The following MYBL2 variants were observed in gnomAD, a reference collection of about 807,000 sequenced individuals.
MYBL2 encodes myb-related protein B.
In MYBL2, 28 loss-of-function variants were observed where a neutral mutation model predicts 79.9. The ratio of observed to expected loss-of-function variants is 0.35; its 90% CI spans 0.26 to 0.48. MYBL2 has a LOEUF of 0.48. MYBL2 is among the 20% of genes least tolerant of loss of function. The probability of loss-of-function intolerance (pLI) is 0.99; values close to 1 mark genes in which losing one functional copy is unlikely to be tolerated. For missense variants in MYBL2, 735 were observed against 893.9 expected (o/e 0.82, Z 2.27); for synonymous variants, 378 against 361.2 (o/e 1.05, Z -0.53).
In MYBL2 at chr20:43,701,752, G is replaced by A. The variant is rs1399239389; in HGVS notation, c.952-738G>A. ...AAAATATCTGCAGGCTGGGTACTGTGGTTCATGTCTGTAATCCCAGCACTT... is the reference window on the plus strand; with the variant it reads ...AAAATATCTGCAGGCTGGGTACTGTAGTTCATGTCTGTAATCCCAGCACTT... On this transcript the variant is annotated intron_variant, in intron 7 of 13. Transcript: ENST00000217026. Among the ~76,000 whole-genome samples the A allele has an allele frequency of 9.8e-5, 15 of 152,348 alleles. No individual in the cohort carries two copies. The East Asian group carries it at 2.9e-3, about 29-fold the overall frequency.
At chr20:43,709,826 C>G in intron 9 of MYBL2, 137 bp from the exon 10 acceptor site, 1 of 676,588 alleles carries the variant, frequency 1.5e-6, no homozygotes, top group Non-Finnish European at 2.5e-6. Context: ...CTTGGACCTG[C>G]AGGGTGGGGA....
At chr20:43,705,453 G>T (rs766958467) in intron 9 of MYBL2, 95 bp downstream of exon 9, 1 of 1,390,912 alleles carries the variant, frequency 7.2e-7, no homozygotes, top group Admixed American at 2.9e-5. Context: ...TGGGGAGGGG[G>T]CACCCTTGGA....
At chr20:43,705,069 C>T (rs1217564422) in intron 8 of MYBL2, 150 bp from the exon 9 acceptor site, 16 of 947,502 alleles carry the variant, frequency 1.7e-5, no homozygotes, top group South Asian at 1.6e-4. Context: ...TCCTTGTTCT[C>T]GGGTGTCTGA....
chr20:43,707,165 C>T (rs1176472283), intron 9 of MYBL2, among the ~76,000 whole-genome samples: 5 of 147,826 alleles, frequency 3.4e-5, no homozygotes, highest in African/African-American at 1.2e-4. Flanking sequence ...GGTGACAAAG[C>T]GTGACTCTCT....
At chr20:43,670,734 G>A (rs1450832519) in intron 1 of MYBL2, among the ~76,000 whole-genome samples, 3 of 152,132 alleles carry the variant, frequency 2.0e-5, no homozygotes, top group Non-Finnish European at 2.9e-5. Context: ...TGGAGAACAA[G>A]GAGAAGGTAA....
intron 2 of MYBL2, among the ~76,000 whole-genome samples, chr20:43,674,119 C>T (rs1049662641): frequency 1.3e-5 from 2 of 151,670 alleles, no homozygotes; most frequent in African/African-American, 2.4e-5. Context: ...TGTCCTAGAC[C>T]TCAGGGCCCA....
At chr20:43,695,852 T>C (rs1033145171) in intron 6 of MYBL2, among the ~76,000 whole-genome samples, 2 of 151,902 alleles carry the variant, frequency 1.3e-5, no homozygotes, top group African/African-American at 2.4e-5. Flanking sequence ...TCTCAGCACT[T>C]TGGGAGGCTG....
At chr20:43,702,032 C>T (rs932183753) in intron 7 of MYBL2, among the ~76,000 whole-genome samples, 1 of 152,154 alleles carries the variant, frequency 6.6e-6, no homozygotes, top group Admixed American at 6.6e-5. Context: ...GAGGCTGAGG[C>T]AGGAGAATTG....
At position 43,702,912 on chromosome 20, in the gene MYBL2, A is replaced by G; in HGVS notation, c.1365+9A>G. ...CCTTCTCGCCCTCCCAGGTGCGTGG[A>G]CCCCACTCTGGCTGCTTATTGGGTC... On this transcript the variant is annotated intron_variant, in intron 8 of 13. Transcript: ENST00000217026. The G allele has an allele frequency of 6.3e-7, 1 of 1,577,076 alleles. No homozygotes were observed. Among genetic ancestry groups the G allele is most frequent in the Admixed American group, 1.7e-5 (1 of 58,644 alleles).
intron 4 of MYBL2, among the ~76,000 whole-genome samples, chr20:43,684,728 T>A (rs186556632): frequency 5.3e-5 from 8 of 151,456 alleles, no homozygotes; most frequent in African/African-American, 1.7e-4. Flanking sequence ...GTGCCTGTAG[T>A]TGGGAGGCTG....
At chr20:43,715,551 TTC>T (rs1460451970) in intron 13 of MYBL2, among the ~76,000 whole-genome samples, 2 of 152,332 alleles carry the variant, frequency 1.3e-5, no homozygotes, top group South Asian at 2.1e-4. Context: ...CATTCTGCCA[TTC>T]TCTCTTTTGT....
intron 4 of MYBL2, among the ~76,000 whole-genome samples, chr20:43,683,731 T>G (rs1401790617): frequency 6.6e-6 from 1 of 151,970 alleles, no homozygotes; most frequent in East Asian, 1.9e-4. Flanking sequence ...TTTTTTTGTA[T>G]TTTTAATAGA....
chr20:43,705,984 G>C (rs1409063313), intron 9 of MYBL2, among the ~76,000 whole-genome samples: 1 of 152,204 alleles, frequency 6.6e-6, no homozygotes, highest in African/African-American at 2.4e-5. Context: ...ACAGGCGTGA[G>C]CCACCACACC....
chr20:43,709,225 A>G (rs1308491986), intron 9 of MYBL2, among the ~76,000 whole-genome samples: 1 of 152,104 alleles, frequency 6.6e-6, no homozygotes, highest in Non-Finnish European at 1.5e-5. Flanking sequence ...CAGGTGACTA[A>G]GGTCACATAC....
chr20:43,695,924 T>G (rs1363370904), intron 6 of MYBL2, among the ~76,000 whole-genome samples: 1 of 151,922 alleles, frequency 6.6e-6, no homozygotes, highest in Non-Finnish European at 1.5e-5. Flanking sequence ...GCACGATAAT[T>G]GAGAATCCAC....
chr20:43,711,387 T>TA, intron 10 of MYBL2, 101 bp from the exon 11 acceptor site: 1 of 806,522 alleles, frequency 1.2e-6, no homozygotes, highest in Non-Finnish European at 2.0e-6. Flanking sequence ...CTTCCTGCCT[T>TA]ACCCAGGACA....
intron 2 of MYBL2, among the ~76,000 whole-genome samples, chr20:43,677,992 T>A (rs1307155936): frequency 2.0e-5 from 3 of 152,230 alleles, no homozygotes; most frequent in Admixed American, 6.5e-5. Context: ...ATCCTGTTGA[T>A]CTATGATCTT....
At chr20:43,711,432 C>T (rs1480098944) in intron 10 of MYBL2, 56 bp from the exon 11 acceptor site, 5 of 1,439,602 alleles carry the variant, frequency 3.5e-6, no homozygotes, top group Non-Finnish European at 4.8e-6. Context: ...CACAGTCCCA[C>T]ACACACACAG....
At chr20:43,680,619 C>T (rs776913982) in intron 2 of MYBL2, among the ~76,000 whole-genome samples, 2 of 152,044 alleles carry the variant, frequency 1.3e-5, no homozygotes, top group Non-Finnish European at 2.9e-5. Flanking sequence ...CTCATCCTCC[C>T]GAGTAGCTGG....
Sources: allele counts gnomAD v4.1 joint callset (sites outside exome capture counted in the v4.1 genomes callset), GRCh38; gene constraint gnomAD v4.1.1; transcripts MANE v1.5; gene names NCBI Gene and HGNC (gene_info 2026-07-23, HGNC 2026-07-21).